Variants in ZNF721 observed in about 807,000 individuals in gnomAD.
ZNF721 encodes the protein zinc finger protein 721.
A neutral mutation model predicts 2.4 loss-of-function variants in ZNF721; 2 were observed. The observed-to-expected ratio is 0.82, with a 90% confidence interval of 0.34 to 2.58. The LOEUF (loss-of-function observed/expected upper bound fraction) is 2.58. Ranked by LOEUF, ZNF721 falls within the 30% of genes most tolerant of loss-of-function variation. The pLI, the probability that ZNF721 is intolerant of heterozygous loss-of-function variation, is 0.11. For missense variants in ZNF721, 1,187 were observed against 1,085.5 expected (o/e 1.09, Z -1.31); for synonymous variants, 398 against 381.8 (o/e 1.04, Z -0.50).
intron 1 of ZNF721, among the ~76,000 whole-genome samples, chr4:492,576 C>A (rs1177139971): frequency 6.6e-6 from 1 of 150,634 alleles, no homozygotes; most frequent in African/African-American, 2.4e-5. Flanking sequence ...ATTATAATTT[C>A]CCTTTAAAGA....
rs376764780 is a variant in ZNF721 at position 441,751 on chromosome 4, CAG to C, written c.2714_2715del (p.Ser905CysfsTer7). On this transcript the variant is annotated frameshift_variant, in exon 3 of 3. Transcript: ENST00000511833. LOFTEE classifies it low-confidence loss of function (END_TRUNC). ...ATTTTCTTATGTGCATAAAGATTTG[CAG>C]ACTGTCTAAAGGTTTTGCCACAGTC... Reference protein sequence around the residue: ...CGDCGKTFRQSANLYAHKKIH... With the variant: ...CGDCGKTFRQXANLYAHKKIH... The C allele has an allele frequency of 2.6e-3, 4,135 of 1,613,360 alleles. 80 individuals carry two copies. In the South Asian group the frequency reaches 0.034, roughly 13 times the overall value.
At chr4:471,591 T>C (rs1391510301) in intron 2 of ZNF721, among the ~76,000 whole-genome samples, 5 of 152,130 alleles carry the variant, frequency 3.3e-5, no homozygotes, top group Non-Finnish European at 5.9e-5. Context: ...AAATTTTTAG[T>C]TATAAGTTGA....
chr4:443,734 C>G lies in ZNF721; in HGVS notation c.733G>C (p.Gly245Arg). 1 of 1,614,068 alleles carries G rather than the reference C, an allele frequency of 6.2e-7. No homozygotes were observed. The highest frequency in any genetic ancestry group is 8.5e-7 in the Non-Finnish European group (1 of 1,179,996). Reference sequence around the variant, plus strand: ...TCCTTACATTTGTAGGGTTTCTCTCCAGTATGAATTTTCTCATGTTTATTC... The same window carrying G: ...TCCTTACATTTGTAGGGTTTCTCTCGAGTATGAATTTTCTCATGTTTATTC... The part of the protein sequence containing the change: ...HLNKHEKIHT[G>R]EKPYKCKECG... The change falls in exon 3 of 3, where the codon GGA (glycine) becomes CGA (arginine). Residue 245 changes from glycine (G) to arginine (R), a missense_variant. Physicochemically the swap from Gly to Arg is moderately radical, Grantham distance 125. Coordinates refer to ENST00000511833, the MANE Select transcript of ZNF721 (RefSeq NM_133474.4).
intron 2 of ZNF721, among the ~76,000 whole-genome samples, chr4:460,542 C>A (rs1367145379): frequency 6.8e-6 from 1 of 146,608 alleles, no homozygotes; most frequent in African/African-American, 2.5e-5. Flanking sequence ...GAAGCAGGTG[C>A]AAACAAATTC....
chr4:489,234 C>T (rs1363203672), intron 1 of ZNF721, among the ~76,000 whole-genome samples: 1 of 152,122 alleles, frequency 6.6e-6, no homozygotes, highest in Non-Finnish European at 1.5e-5. Flanking sequence ...GATCCAACAC[C>T]CTTAGGGGAG....
At chr4:448,431 G>A (rs1383044283) in intron 2 of ZNF721, among the ~76,000 whole-genome samples, 2 of 140,080 alleles carry the variant, frequency 1.4e-5, no homozygotes, top group East Asian at 2.0e-4. Context: ...GCAGGAATCC[G>A]TATCCCCCCC....
chr4:471,063 G>A (rs1399672970), intron 2 of ZNF721, among the ~76,000 whole-genome samples: 1 of 150,850 alleles, frequency 6.6e-6, no homozygotes, highest in Non-Finnish European at 1.5e-5. Context: ...GCAATTCAAA[G>A]CAAAACAATA....
intron 1 of ZNF721, among the ~76,000 whole-genome samples, chr4:498,730 T>TTTC (rs1716465270): frequency 6.8e-6 from 1 of 146,710 alleles, no homozygotes; most frequent in Admixed American, 6.7e-5. Flanking sequence ...AATTTTCTTT[T>TTTC]TTTTTTTTTT....
intron 2 of ZNF721, among the ~76,000 whole-genome samples, chr4:457,444 A>T (rs1204499377): frequency 1.3e-5 from 2 of 152,194 alleles, no homozygotes; most frequent in Non-Finnish European, 2.9e-5. Flanking sequence ...CTACAGAATA[A>T]AATGTGTCCA....
intron 2 of ZNF721, among the ~76,000 whole-genome samples, chr4:462,535 G>T (rs138259834): frequency 0.18 from 26,845 of 152,112 alleles, 2,980 homozygotes; most frequent in Non-Finnish European, 0.23. Flanking sequence ...AAACAGCATG[G>T]TACTGATACC....
chr4:485,176 AT>A (rs1156349533), intron 1 of ZNF721, among the ~76,000 whole-genome samples: 1 of 152,100 alleles, frequency 6.6e-6, no homozygotes, highest in Non-Finnish European at 1.5e-5. Flanking sequence ...CCCAGCGAGT[AT>A]TGTTTTGCTT....
At chr4:467,525 T>C (rs1180145045) in intron 2 of ZNF721, among the ~76,000 whole-genome samples, 1 of 152,170 alleles carries the variant, frequency 6.6e-6, no homozygotes, top group African/African-American at 2.4e-5. Flanking sequence ...GAAGGGTTAT[T>C]TGGAAAAAGC....
chr4:458,178 G>C (rs1714903095), intron 2 of ZNF721, among the ~76,000 whole-genome samples: 1 of 152,212 alleles, frequency 6.6e-6, no homozygotes, highest in South Asian at 2.1e-4. Context: ...GATATAACTG[G>C]AAGCTTTTTT....
intron 1 of ZNF721, among the ~76,000 whole-genome samples, chr4:477,379 A>G (rs1375139322): frequency 6.7e-6 from 1 of 149,900 alleles, no homozygotes; most frequent in Non-Finnish European, 1.5e-5. Context: ...CTGGGACTAC[A>G]GGCGCCAGCC....
chr4:481,980 G>C (rs1715782841), intron 1 of ZNF721, among the ~76,000 whole-genome samples: 2 of 152,206 alleles, frequency 1.3e-5, no homozygotes, highest in Non-Finnish European at 2.9e-5. Flanking sequence ...AACTGAGTTA[G>C]ATTTTATAAA....
chr4:487,123 A>G (rs1715916382), intron 1 of ZNF721, among the ~76,000 whole-genome samples: 1 of 152,228 alleles, frequency 6.6e-6, no homozygotes, highest in South Asian at 2.1e-4. Flanking sequence ...TTGCAAAAAC[A>G]GCAATTTGAA....
chr4:498,815 C>T (rs1344874059), intron 1 of ZNF721, among the ~76,000 whole-genome samples: 2 of 151,762 alleles, frequency 1.3e-5, no homozygotes, highest in African/African-American at 4.8e-5. Flanking sequence ...ACCTCCGCCT[C>T]CCAGGTTCAA....
intron 2 of ZNF721, among the ~76,000 whole-genome samples, chr4:444,695 T>G (rs979902308): frequency 2.0e-5 from 3 of 152,184 alleles, no homozygotes; most frequent in African/African-American, 7.2e-5. Context: ...GTTTGTTCAA[T>G]TTACCCACCA....
intron 1 of ZNF721, among the ~76,000 whole-genome samples, chr4:475,555 G>A (rs1454686100): frequency 6.6e-6 from 1 of 151,816 alleles, no homozygotes; most frequent in African/African-American, 2.4e-5. Context: ...CATACTTCTG[G>A]CTAAAATCAC....
Sources: allele counts gnomAD v4.1 joint callset (sites outside exome capture counted in the v4.1 genomes callset), GRCh38; gene constraint gnomAD v4.1.1; transcripts MANE v1.5; gene names NCBI Gene and HGNC (gene_info 2026-07-23, HGNC 2026-07-21).